NUDT5: variants seen among roughly 807,000 people sequenced by gnomAD.
NUDT5 encodes ADP-sugar pyrophosphatase.
Under a neutral mutation model 34.1 loss-of-function variants are expected in NUDT5, and 21 were observed. That is an observed-to-expected ratio of 0.62 (90% confidence interval 0.44 to 0.89). The LOEUF is 0.89. Among genes scored for constraint, NUDT5 ranks in the 40% least tolerant of loss-of-function variants. The probability of loss-of-function intolerance (pLI) is 0.00; values close to 1 mark genes in which losing one functional copy is unlikely to be tolerated. For missense variants in NUDT5, 249 were observed against 274.8 expected, an observed-to-expected ratio of 0.91 and a Z score of 0.66; for synonymous variants, 85 against 97.6, an observed-to-expected ratio of 0.87 and a Z score of 0.76.
At position 12,187,523 on chromosome 10, in the gene NUDT5, T is replaced by A. The variant is rs1222149721; in HGVS notation, c.-41-1191A>T. On this transcript the variant is annotated intron_variant, in intron 1 of 9. Coordinates refer to ENST00000491614, the MANE Select transcript of NUDT5 (RefSeq NM_014142.4). The surrounding 1 kb of genome is among the most constrained non-coding windows in gnomAD (Gnocchi z 5.4). The stretch of plus-strand genomic sequence containing the variant: ...TCCGAAGGTCAAAGTCTTTTTTTCT[T>A]ACCCACACACATGGTTGTTAATTCA... Among the ~76,000 whole-genome samples the A allele has an allele frequency of 2.6e-5, 4 of 152,188 alleles. No homozygotes were observed. The highest frequency in any genetic ancestry group is 5.9e-5 in the Non-Finnish European group (4 of 68,044).
In NUDT5 at chr10:12,165,356, T is replaced by G; in HGVS notation, c.*2346A>C. 1 of 978,784 alleles carries G rather than the reference T, an allele frequency of 1.0e-6. No individual in the cohort carries two copies. The highest frequency in any genetic ancestry group is 5.2e-4 in the Middle Eastern group (1 of 1,906). 60.6% of individuals were successfully genotyped at this position (978,784 alleles called of 1,614,324 possible). On this transcript the variant is annotated 3_prime_UTR_variant, in exon 10 of 10. Coordinates refer to ENST00000491614, the MANE Select transcript of NUDT5 (RefSeq NM_014142.4). ...AAACAGTAGACAATAAACTTTTATTTAAGAAAACTGATTCAGTTGTGTTGG... is the reference window on the plus strand; with the variant it reads ...AAACAGTAGACAATAAACTTTTATTGAAGAAAACTGATTCAGTTGTGTTGG...
chr10:12,168,444 G>A lies in NUDT5; in HGVS notation c.551-633C>T, dbSNP rs1398519228. ...AAACCAGATGGTGATGATTATGTAG[G>A]ATCTTAGGGATTCCATCTTTTCTGC... On this transcript the variant is annotated intron_variant, in intron 9 of 9. Transcript: ENST00000491614. This position sits in a 1 kb window ranked among gnomAD's most constrained non-coding sequence, Gnocchi z 4.8. 1.3e-5 allele frequency among the ~76,000 whole-genome samples: 2 copies of A among 152,160 alleles called. No homozygotes were observed. The highest frequency in any genetic ancestry group is 3.8e-4 in the East Asian group (2 of 5,202).
chr10:12,174,375 T>C (rs1486297825), intron 5 of NUDT5, among the ~76,000 whole-genome samples: 1 of 151,774 alleles, frequency 6.6e-6, no homozygotes, highest in Non-Finnish European at 1.5e-5. Flanking sequence ...TAAACGATTC[T>C]CCTGCCTCAG....
At position 12,186,191 on chromosome 10, in the gene NUDT5, T is replaced by C. The variant is rs980249862; in HGVS notation, c.63+38A>G. Reference sequence around the variant, plus strand: ...TATATTTCTGCTAAACTCAGATTTATGTGGGGGAGGGAAGGGAAAGTGAAA... The same window carrying C: ...TATATTTCTGCTAAACTCAGATTTACGTGGGGGAGGGAAGGGAAAGTGAAA... On this transcript the variant is annotated intron_variant, in intron 2 of 9. Transcript: ENST00000491614. 4 of 1,419,656 alleles carry C rather than the reference T, an allele frequency of 2.8e-6. No individual in the cohort carries two copies. In the African/African-American group the frequency reaches 5.6e-5, roughly 20 times the overall value. The allele number at this position is 1,419,656 out of a possible 1,614,324, so 87.9% of individuals were successfully genotyped here.
chr10:12,184,949 G>C lies in NUDT5; in HGVS notation c.71C>G (p.Ser24Ter), dbSNP rs1251283935. ...TTCAAGCTTGACCCATTTTCCTTCT[G>C]AAATTAACTAAAAGGATATCAGATA... The part of the protein sequence containing the change: ...KQYIISEELI[S>*]EGKWVKLEKT... Residue 24 changes from serine to a stop codon, truncating the protein, a stop_gained, in exon 3 of 10, where the codon TCA (serine) becomes TGA (stop). Transcript: ENST00000491614. LOFTEE classifies it high-confidence loss of function. The C allele has an allele frequency of 1.9e-6, 3 of 1,553,276 alleles. No individual in the cohort carries two copies.
In NUDT5 at chr10:12,166,768, A is replaced by G. The variant is rs377142166; in HGVS notation, c.*934T>C. On this transcript the variant is annotated 3_prime_UTR_variant, in exon 10 of 10. Coordinates refer to ENST00000491614, the MANE Select transcript of NUDT5 (RefSeq NM_014142.4). ...CCTAAAAGTCAACACAAAAAGAGCT[A>G]AACTCACTCAAGAAGCTAAGAAAAT... 84 of 496,464 alleles carry G rather than the reference A, an allele frequency of 1.7e-4. No individual in the cohort carries two copies. Among genetic ancestry groups the G allele is most frequent in the African/African-American group, 1.5e-3 (79 of 51,190 alleles). 30.8% of individuals were successfully genotyped at this position (496,464 alleles called of 1,614,324 possible).
Position 12,173,767 on chromosome 10 carries a change from C to T in NUDT5, c.336G>A (p.Glu112=), listed in dbSNP as rs1834900483. 6.2e-7 allele frequency: 1 copy of T among 1,614,114 alleles called. No homozygotes were observed. Among genetic ancestry groups the T allele is most frequent in the Non-Finnish European group, 8.5e-7 (1 of 1,179,956 alleles). Residue 112 remains glutamate, a synonymous_variant, in exon 6 of 10, where the codon GAG becomes GAA. Transcript: ENST00000491614. This position sits in a 1 kb window ranked among gnomAD's most constrained non-coding sequence, Gnocchi z 4.7. ...CTTTGTAGCCAGTTTCTTCTTCAAG[C>T]TCCCGGAGAGCAGCTGCTTCTGGGG... ...GETPEAAALR[E]LEEETGYKGD... is the part of the protein sequence containing the mutation.
chr10:12,189,332 C>G (rs561713570), intron 1 of NUDT5, among the ~76,000 whole-genome samples: 3 of 152,286 alleles, frequency 2.0e-5, no homozygotes, highest in Non-Finnish European at 4.4e-5. Context: ...CCTCGAACTC[C>G]TGACCTCAGG....
At chr10:12,193,735 T>C (rs1461793007) in intron 1 of NUDT5, among the ~76,000 whole-genome samples, 1 of 152,236 alleles carries the variant, frequency 6.6e-6, no homozygotes, top group African/African-American at 2.4e-5. Flanking sequence ...TAAAGTATAC[T>C]GCCTGAATAA....
In NUDT5 at chr10:12,179,721, C is replaced by T. The variant is rs536153430; in HGVS notation, c.132-589G>A. On this transcript the variant is annotated intron_variant, in intron 3 of 9. Transcript: ENST00000491614. ...AGAAAAAGTGGGCTGAGTAACAGCACAGTCCTGCTCTCTTGTATGGCTTTA... is the reference window on the plus strand; with the variant it reads ...AGAAAAAGTGGGCTGAGTAACAGCATAGTCCTGCTCTCTTGTATGGCTTTA... 7.2e-5 allele frequency among the ~76,000 whole-genome samples: 11 copies of T among 152,318 alleles called. No homozygotes were observed. The South Asian group carries it at 1.4e-3, about 20-fold the overall frequency.
At position 12,168,027 on chromosome 10, in the gene NUDT5, AT is replaced by A. The variant is rs34620432; in HGVS notation, c.551-217del. On this transcript the variant is annotated intron_variant, in intron 9 of 9. Coordinates refer to ENST00000491614, the MANE Select transcript of NUDT5 (RefSeq NM_014142.4). This position sits in a 1 kb window ranked among gnomAD's most constrained non-coding sequence, Gnocchi z 4.8. ...TGAGACAAGAACATCAGGGATAATG[AT>A]TTTTTTTTTTTTTGGTGAGACAGTC... is the stretch of plus-strand genomic sequence containing the variant. The A allele has an allele frequency of 0.072, 43,863 of 606,538 alleles. No homozygotes were observed. The highest frequency in any genetic ancestry group is 0.12 in the South Asian group (4,347 of 35,116). 37.6% of individuals were successfully genotyped at this position (606,538 alleles called of 1,614,324 possible).
At position 12,173,423 on chromosome 10, in the gene NUDT5, G is replaced by A. The variant is rs961507349; in HGVS notation, c.385+295C>T. Among the ~76,000 whole-genome samples the A allele has an allele frequency of 1.3e-5, 2 of 152,112 alleles. No homozygotes were observed. Among genetic ancestry groups the A allele is most frequent in the South Asian group, 2.1e-4 (1 of 4,830 alleles). ...TCACCATGTTGGTCAGGCTGGTCTC[G>A]AACTCCTGACCTCAGGTGATCCACC... is the stretch of plus-strand genomic sequence containing the variant. On this transcript the variant is annotated intron_variant, in intron 6 of 9. Coordinates refer to ENST00000491614, the MANE Select transcript of NUDT5 (RefSeq NM_014142.4). This position sits in a 1 kb window ranked among gnomAD's most constrained non-coding sequence, Gnocchi z 4.7.
At chr10:12,188,455 G>A (rs1324459780) in intron 1 of NUDT5, among the ~76,000 whole-genome samples, 1 of 152,232 alleles carries the variant, frequency 6.6e-6, no homozygotes, top group African/African-American at 2.4e-5. Context: ...GCCGGGTGCG[G>A]TGGCTCACGC....
Position 12,177,752 on chromosome 10 carries a change from G to A in NUDT5, c.289+41C>T, listed in dbSNP as rs749583339. The A allele has an allele frequency of 2.8e-6, 4 of 1,413,278 alleles. No individual in the cohort carries two copies. The South Asian group carries it at 4.6e-5, about 16-fold the overall frequency. The allele number at this position is 1,413,278 out of a possible 1,614,324, so 87.5% of individuals were successfully genotyped here. On this transcript the variant is annotated intron_variant, in intron 5 of 9. Coordinates refer to ENST00000491614, the MANE Select transcript of NUDT5 (RefSeq NM_014142.4). ...GTTCTCAGGCTTTACCCTGGTTCAGGCCAACATCCCTAAGAAGCAATTCGA... is the reference window on the plus strand; with the variant it reads ...GTTCTCAGGCTTTACCCTGGTTCAGACCAACATCCCTAAGAAGCAATTCGA...
In NUDT5 at chr10:12,182,805, C is replaced by T. The variant is rs1365302819; in HGVS notation, c.131+2084G>A. ...AGGCTGGAGTACAGTGGTGCAGTCT[C>T]GGCTCACTGCAACCACCTCCTCCCG... On this transcript the variant is annotated intron_variant, in intron 3 of 9. Transcript: ENST00000491614. This position sits in a 1 kb window ranked among gnomAD's most constrained non-coding sequence, Gnocchi z 4.3. 1.3e-5 allele frequency among the ~76,000 whole-genome samples: 2 copies of T among 152,164 alleles called. No individual in the cohort carries two copies. Among genetic ancestry groups the T allele is most frequent in the East Asian group, 1.9e-4 (1 of 5,192 alleles).
intron 7 of NUDT5, chr10:12,172,429 T>A (rs1834873849): frequency 1.0e-5 from 3 of 300,492 alleles, no homozygotes; most frequent in Non-Finnish European, 6.4e-6. Flanking sequence ...TCTTAAAATA[T>A]ACATGAAGAC....
chr10:12,185,405 G>A (rs776483810), intron 2 of NUDT5, among the ~76,000 whole-genome samples: 4 of 152,152 alleles, frequency 2.6e-5, no homozygotes, highest in East Asian at 1.9e-4. Flanking sequence ...ACAGGAAGGC[G>A]GACTGTGGGG....
chr10:12,170,673 G>A lies in NUDT5; in HGVS notation c.550+44C>T, dbSNP rs761395521. Reference sequence around the variant, plus strand: ...GTACCCAGTTTGCTGGGATGGGGACGGGGAGAACTGGAGAAACTGGGTGGC... The same window carrying A: ...GTACCCAGTTTGCTGGGATGGGGACAGGGAGAACTGGAGAAACTGGGTGGC... On this transcript the variant is annotated intron_variant, in intron 9 of 9. Coordinates refer to ENST00000491614, the MANE Select transcript of NUDT5 (RefSeq NM_014142.4). This position sits in a 1 kb window ranked among gnomAD's most constrained non-coding sequence, Gnocchi z 4.9. The A allele has an allele frequency of 1.3e-5, 21 of 1,581,014 alleles. No homozygotes were observed. The highest frequency in any genetic ancestry group is 8.9e-5 in the East Asian group (4 of 44,732).
In NUDT5 at chr10:12,167,469, A is replaced by G. The variant is rs1393423657; in HGVS notation, c.*233T>C. 1 of 443,298 alleles carries G rather than the reference A, an allele frequency of 2.3e-6. No individual in the cohort carries two copies. Among genetic ancestry groups the G allele is most frequent in the Non-Finnish European group, 4.0e-6 (1 of 247,492 alleles). 27.5% of individuals were successfully genotyped at this position (443,298 alleles called of 1,614,324 possible). A position where few individuals can be genotyped will look rare whatever the true frequency, so the allele number is the denominator to read the frequency against. ...TGTTGAGCTTTAAAAAAATTGGAGT[A>G]AACATACTTGCATTTATATTCTTTG... is the stretch of plus-strand genomic sequence containing the variant. On this transcript the variant is annotated 3_prime_UTR_variant, in exon 10 of 10. Transcript: ENST00000491614.
Sources: gnomAD v4.1 joint callset for allele counts (sites outside exome capture counted in the v4.1 genomes callset) on GRCh38, gnomAD v4.1.1 for gene constraint, Gnocchi (gnomAD v3.1) non-coding constraint, MANE v1.5 for transcripts, NCBI Gene and HGNC (gene_info 2026-07-23, HGNC 2026-07-21) for gene names.